ZNF703: variants seen among roughly 807,000 people sequenced by gnomAD.
ZNF703 encodes zinc finger protein 703.
ZNF703 carries 18 observed loss-of-function variants against 30.7 expected under a neutral mutation model. That is an observed-to-expected ratio of 0.59 (90% CI 0.40 to 0.87). The LOEUF is 0.87. ZNF703 is among the 40% of genes least tolerant of loss of function. The probability of loss-of-function intolerance (pLI) is 0.00; values close to 1 mark genes in which losing one functional copy is unlikely to be tolerated. For synonymous variants in ZNF703, 457 were observed against 438.6 expected (o/e 1.04, Z -0.52); for missense variants, 814 against 847.8 (o/e 0.96, Z 0.50).
In ZNF703 at chr8:37,696,095, C is replaced by A; in HGVS notation, c.116C>A (p.Ala39Glu). The stretch of plus-strand genomic sequence containing the variant: ...GCAGCGGTGTCCCTCTTGCCACCGG[C>A]GGACCCCCTGCGCCAGGCGAACCGG... ...VPAAVSLLPP[A>E]DPLRQANRLP... is the part of the protein sequence containing the mutation. Residue 39 changes from alanine (A) to glutamate (E), a missense_variant, in exon 1 of 2, where the codon GCG (alanine) becomes GAG (glutamate). Transcript: ENST00000331569. The surrounding 1 kb of genome is among the most constrained non-coding windows in gnomAD (Gnocchi z 8.2). The A allele has an allele frequency of 6.3e-7, 1 of 1,592,460 alleles. No individual in the cohort carries two copies. Among genetic ancestry groups the A allele is most frequent in the East Asian group, 2.3e-5 (1 of 43,518 alleles).
chr8:37,698,675 C>A lies in ZNF703; in HGVS notation c.*1C>A. 1 of 1,440,512 alleles carries A rather than the reference C, an allele frequency of 6.9e-7. No individual in the cohort carries two copies. The highest frequency in any genetic ancestry group is 1.9e-4 in the Middle Eastern group (1 of 5,384). The allele number at this position is 1,440,512 out of a possible 1,614,324, so 89.2% of individuals were successfully genotyped here. ...AGCCTCGGCGCTGGGATACCAGTAACTACAGCTCTTCCTCCACCCCAGCCC... is the reference window on the plus strand; with the variant it reads ...AGCCTCGGCGCTGGGATACCAGTAAATACAGCTCTTCCTCCACCCCAGCCC... On this transcript the variant is annotated 3_prime_UTR_variant, in exon 2 of 2. Coordinates refer to ENST00000331569, the MANE Select transcript of ZNF703 (RefSeq NM_025069.3).
chr8:37,698,104 G>A lies in ZNF703; in HGVS notation c.1203G>A (p.Ala401=). ...LGGSSCSTCS[A]HDPAGPSLKA... ...GCTCCAGCTGCTCCACCTGCAGCGC[G>A]CACGACCCTGCCGGGCCCAGCCTGA... The change falls in exon 2 of 2, where the codon GCG becomes GCA. Residue 401 remains alanine, a synonymous_variant. Coordinates refer to ENST00000331569, the MANE Select transcript of ZNF703 (RefSeq NM_025069.3). 6.5e-7 allele frequency: 1 copy of A among 1,535,042 alleles called. No individual in the cohort carries two copies. Among genetic ancestry groups the A allele is most frequent in the Non-Finnish European group, 8.7e-7 (1 of 1,146,880 alleles).
rs754246446 is a variant in ZNF703, at chr8:37,697,296, G to A, written c.395G>A (p.Gly132Asp). ...AAGGACCCCGGCCGCTCAGCCCCGG[G>A]CGCCGCCTCCGCAGCCGCGGCCCTG... ...AEKDPGRSAPGAASAAAALKQ... is the reference protein window; with the variant it reads ...AEKDPGRSAPDAASAAAALKQ... Residue 132 changes from glycine to aspartate, a missense_variant, in exon 2 of 2, where the codon GGC becomes GAC. By Grantham distance (94) the Gly-to-Asp change is moderately conservative. Transcript: ENST00000331569. The A allele has an allele frequency of 2.6e-6, 4 of 1,567,714 alleles. No individual in the cohort carries two copies. Among genetic ancestry groups the A allele is most frequent in the East Asian group, 4.8e-5 (2 of 41,850 alleles).
Position 37,698,139 on chromosome 8 carries a change from G to A in ZNF703, c.1238G>A (p.Gly413Asp), listed in dbSNP as rs997985619. 76 of 1,529,292 alleles carry A rather than the reference G, an allele frequency of 5.0e-5. No homozygotes were observed. Among genetic ancestry groups the A allele is most frequent in the Non-Finnish European group, 6.4e-5 (73 of 1,144,050 alleles). 94.7% of individuals were successfully genotyped at this position (1,529,292 alleles called of 1,614,324 possible). A position where few individuals can be genotyped will look rare whatever the true frequency, so the allele number is the denominator to read the frequency against. ...DPAGPSLKAG[G>D]YPLVYPGHPL... ...GCCGGGCCCAGCCTGAAGGCGGGGG[G>A]CTACCCGCTGGTGTACCCCGGGCAC... The change falls in exon 2 of 2, where the codon GGC becomes GAC. Residue 413 changes from glycine to aspartate, a missense_variant. Transcript: ENST00000331569.
At position 37,697,552 on chromosome 8, in the gene ZNF703, GCCCGGCGGCTCC is replaced by G. The variant is rs1170083749; in HGVS notation, c.653_664del (p.Pro218_Ser221del). ...TCTCCGCATCCTCGTCCTCGTCGTCGCCCGGCGGCTCCCGCGGCGGCTCCCCGCACCACTCTG... is the reference window on the plus strand; with the variant it reads ...TCTCCGCATCCTCGTCCTCGTCGTCGCGCGGCGGCTCCCCGCACCACTCTG... On this transcript the variant is annotated inframe_deletion, in exon 2 of 2. Coordinates refer to ENST00000331569, the MANE Select transcript of ZNF703 (RefSeq NM_025069.3). 1.4e-6 allele frequency: 2 copies of G among 1,463,304 alleles called. No homozygotes were observed. The highest frequency in any genetic ancestry group is 1.8e-6 in the Non-Finnish European group (2 of 1,114,128). 90.6% of individuals were successfully genotyped at this position (1,463,304 alleles called of 1,614,324 possible).
Position 37,699,857 on chromosome 8 carries a change from A to T in ZNF703, c.*1183A>T, listed in dbSNP as rs1339760700. 1 of 152,218 alleles carries T rather than the reference A, an allele frequency of 6.6e-6. No homozygotes were observed. Among genetic ancestry groups the T allele is most frequent in the African/African-American group, 2.4e-5 (1 of 41,438 alleles). 9.4% of individuals were successfully genotyped at this position (152,218 alleles called of 1,614,324 possible). ...CCCTCTCCTAGGCCTGGCCCGGCAG[A>T]GCCCCCAGAGTGGACCCCCCAGCGA... On this transcript the variant is annotated 3_prime_UTR_variant, in exon 2 of 2. Transcript: ENST00000331569.
At chr8:37,697,066 GC>G (rs1169260272) in intron 1 of ZNF703, 78 bp from the exon 2 acceptor site, 8 of 1,396,012 alleles carry the variant, frequency 5.7e-6, no homozygotes, top group Non-Finnish European at 7.4e-6. Flanking sequence ...CCGCCGCCCA[GC>G]TCCCCGGGCG....
rs1453870456 is a variant in ZNF703, at chr8:37,696,846, G to A, written c.244-299G>A. 6.6e-6 allele frequency among the ~76,000 whole-genome samples: 1 copy of A among 152,246 alleles called. No individual in the cohort carries two copies. Among genetic ancestry groups the A allele is most frequent in the African/African-American group, 2.4e-5 (1 of 41,476 alleles). On this transcript the variant is annotated intron_variant, in intron 1 of 1. Coordinates refer to ENST00000331569, the MANE Select transcript of ZNF703 (RefSeq NM_025069.3). The surrounding 1 kb of genome is among the most constrained non-coding windows in gnomAD (Gnocchi z 8.2). ...GAATAAGTTTTTTCCTGGGCCTGGA[G>A]GAGGGGGACATTAGAGGGAAGTGGC...
chr8:37,697,277 C>A lies in ZNF703; in HGVS notation c.376C>A (p.Pro126Thr). 3 of 1,572,364 alleles carry A rather than the reference C, an allele frequency of 1.9e-6. No homozygotes were observed. Among genetic ancestry groups the A allele is most frequent in the South Asian group, 1.2e-5 (1 of 86,608 alleles). The change falls in exon 2 of 2, where the codon CCC (proline) becomes ACC (threonine). Residue 126 changes from proline (P) to threonine (T), a missense_variant. Coordinates refer to ENST00000331569, the MANE Select transcript of ZNF703 (RefSeq NM_025069.3). Reference protein sequence around the residue: ...AANGLGAEKDPGRSAPGAASA... With the variant: ...AANGLGAEKDTGRSAPGAASA... Reference sequence around the variant, plus strand: ...CAACGGGCTGGGAGCGGAGAAGGACCCCGGCCGCTCAGCCCCGGGCGCCGC... The same window carrying A: ...CAACGGGCTGGGAGCGGAGAAGGACACCGGCCGCTCAGCCCCGGGCGCCGC...
rs758315707 is a variant in ZNF703, at chr8:37,698,030, C to T, written c.1129C>T (p.Arg377Cys). 4 of 1,572,008 alleles carry T rather than the reference C, an allele frequency of 2.5e-6. No individual in the cohort carries two copies. The highest frequency in any genetic ancestry group is 1.1e-5 in the South Asian group (1 of 87,286). Residue 377 changes from arginine to cysteine, a missense_variant, in exon 2 of 2, where the codon CGC becomes TGC. Physicochemically the swap from Arg to Cys is radical, Grantham distance 180. Coordinates refer to ENST00000331569, the MANE Select transcript of ZNF703 (RefSeq NM_025069.3). ...SPPSFLQGLCRDPYCLGGYHG... is the reference protein window; with the variant it reads ...SPPSFLQGLCCDPYCLGGYHG... ...GCCCTCCTTCCTGCAGGGATTATGC[C>T]GCGACCCCTATTGCTTGGGAGGTTA...
At position 37,698,798 on chromosome 8, in the gene ZNF703, C is replaced by A; in HGVS notation, c.*124C>A. 1 of 780,216 alleles carries A rather than the reference C, an allele frequency of 1.3e-6. No individual in the cohort carries two copies. The highest frequency in any genetic ancestry group is 1.8e-6 in the Non-Finnish European group (1 of 554,416). 48.3% of individuals were successfully genotyped at this position (780,216 alleles called of 1,614,324 possible). Reference sequence around the variant, plus strand: ...ACCCTGCCGGGATTCCCCACCCAGCCCTTCCCCACCGGACTGTGTATTTAT... The same window carrying A: ...ACCCTGCCGGGATTCCCCACCCAGCACTTCCCCACCGGACTGTGTATTTAT... On this transcript the variant is annotated 3_prime_UTR_variant, in exon 2 of 2. Coordinates refer to ENST00000331569, the MANE Select transcript of ZNF703 (RefSeq NM_025069.3).
Position 37,697,366 on chromosome 8 carries a change from G to T in ZNF703, c.465G>T (p.Lys155Asn). 1.9e-6 allele frequency: 3 copies of T among 1,559,626 alleles called. No individual in the cohort carries two copies. The highest frequency in any genetic ancestry group is 1.9e-5 in the Admixed American group (1 of 52,154). ...CGGCCGAGGACAAGTCCAGCTTCAA[G>T]CCCTACTCCAAGGGCTCCGGCGGCG... ...DSPAEDKSSF[K>N]PYSKGSGGGD... The change falls in exon 2 of 2, where the codon AAG becomes AAT. Residue 155 changes from lysine to asparagine, a missense_variant. Lys to Asn is a moderately conservative substitution (Grantham distance 94). Coordinates refer to ENST00000331569, the MANE Select transcript of ZNF703 (RefSeq NM_025069.3).
At position 37,698,443 on chromosome 8, in the gene ZNF703, C is replaced by T. The variant is rs747257495; in HGVS notation, c.1542C>T (p.Ala514=). The T allele has an allele frequency of 2.0e-6, 3 of 1,485,662 alleles. No individual in the cohort carries two copies. The highest frequency in any genetic ancestry group is 1.8e-6 in the Non-Finnish European group (2 of 1,120,500). The allele number at this position is 1,485,662 out of a possible 1,614,324, so 92.0% of individuals were successfully genotyped here. A position where few individuals can be genotyped will look rare whatever the true frequency, so the allele number is the denominator to read the frequency against. ...GSAAAAAAAA[A]SCHLHLPPPA... The stretch of plus-strand genomic sequence containing the variant: ...CCGCCGCCGCCGCCGCCGCCGCCGC[C>T]TCCTGCCATCTGCACCTCCCCCCGC... Residue 514 remains alanine (A), a synonymous_variant, in exon 2 of 2, where the codon GCC becomes GCT. Coordinates refer to ENST00000331569, the MANE Select transcript of ZNF703 (RefSeq NM_025069.3).
rs1802117776 is a variant in ZNF703, at chr8:37,698,622, A to G, written c.1721A>G (p.Tyr574Cys). 5.2e-6 allele frequency: 8 copies of G among 1,544,322 alleles called. No individual in the cohort carries two copies. Among genetic ancestry groups the G allele is most frequent in the Non-Finnish European group, 7.0e-6 (8 of 1,148,754 alleles). ...ACAGCCGGACCCTACTATTCGCCATACGCGCTGTATGGACAGAGACTAGCT... is the reference window on the plus strand; with the variant it reads ...ACAGCCGGACCCTACTATTCGCCATGCGCGCTGTATGGACAGAGACTAGCT... ...LPTAGPYYSP[Y>C]ALYGQRLASA... Residue 574 changes from tyrosine (Y) to cysteine (C), a missense_variant, in exon 2 of 2, where the codon TAC (tyrosine) becomes TGC (cysteine). Physicochemically the swap from Tyr to Cys is radical, Grantham distance 194. Coordinates refer to ENST00000331569, the MANE Select transcript of ZNF703 (RefSeq NM_025069.3).
Position 37,697,457 on chromosome 8 carries a change from C to G in ZNF703, c.556C>G (p.Pro186Ala), listed in dbSNP as rs1430547629. 1.3e-6 allele frequency: 2 copies of G among 1,540,992 alleles called. No homozygotes were observed. The highest frequency in any genetic ancestry group is 1.7e-6 in the Non-Finnish European group (2 of 1,145,644). Reference sequence around the variant, plus strand: ...CACCTCCTCCTCGTCCTCCTCGTCCCCGGGAGACAAGGCGGGCTTCAGGGT... The same window carrying G: ...CACCTCCTCCTCGTCCTCCTCGTCCGCGGGAGACAAGGCGGGCTTCAGGGT... ...SSTSSSSSSSPGDKAGFRVPS... is the reference protein window; with the variant it reads ...SSTSSSSSSSAGDKAGFRVPS... The change falls in exon 2 of 2, where the codon CCG becomes GCG. Residue 186 changes from proline to alanine, a missense_variant. Physicochemically the swap from Pro to Ala is conservative, Grantham distance 27. Coordinates refer to ENST00000331569, the MANE Select transcript of ZNF703 (RefSeq NM_025069.3).
At position 37,697,221 on chromosome 8, in the gene ZNF703, C is replaced by T. The variant is rs748153205; in HGVS notation, c.320C>T (p.Ser107Phe). Residue 107 changes from serine to phenylalanine, a missense_variant, in exon 2 of 2, where the codon TCC becomes TTC. Transcript: ENST00000331569. Reference protein sequence around the residue: ...SQIGKPDPPPSSKLNSVAAAA... With the variant: ...SQIGKPDPPPFSKLNSVAAAA... Reference sequence around the variant, plus strand: ...ATCGGCAAGCCGGACCCGCCGCCCTCCTCCAAACTCAACTCGGTGGCGGCG... The same window carrying T: ...ATCGGCAAGCCGGACCCGCCGCCCTTCTCCAAACTCAACTCGGTGGCGGCG... The T allele has an allele frequency of 3.8e-6, 6 of 1,598,784 alleles. No individual in the cohort carries two copies. The highest frequency in any genetic ancestry group is 4.3e-6 in the Non-Finnish European group (5 of 1,174,672).
At position 37,698,437 on chromosome 8, in the gene ZNF703, C is replaced by A; in HGVS notation, c.1536C>A (p.Ala512=). 6.8e-7 allele frequency: 1 copy of A among 1,480,076 alleles called. No individual in the cohort carries two copies. Among genetic ancestry groups the A allele is most frequent in the South Asian group, 1.3e-5 (1 of 75,478 alleles). 91.7% of individuals were successfully genotyped at this position (1,480,076 alleles called of 1,614,324 possible). A position where few individuals can be genotyped will look rare whatever the true frequency, so the allele number is the denominator to read the frequency against. Residue 512 remains alanine, a synonymous_variant, in exon 2 of 2, where the codon GCC becomes GCA. Coordinates refer to ENST00000331569, the MANE Select transcript of ZNF703 (RefSeq NM_025069.3). ...GLGSAAAAAA[A]AASCHLHLPP... ...GCAGCGCCGCCGCCGCCGCCGCCGC[C>A]GCCGCCTCCTGCCATCTGCACCTCC...
rs775611701 is a variant in ZNF703, at chr8:37,698,180, G to A, written c.1279G>A (p.Ala427Thr). The change falls in exon 2 of 2, where the codon GCG becomes ACG. Residue 427 changes from alanine (A) to threonine (T), a missense_variant. Physicochemically the swap from Ala to Thr is moderately conservative, Grantham distance 58. Coordinates refer to ENST00000331569, the MANE Select transcript of ZNF703 (RefSeq NM_025069.3). ...VYPGHPLQPA[A>T]LSSSAAQAAL... ...CCCCGGGCACCCGCTGCAGCCCGCC[G>A]CGCTCTCGTCCAGCGCCGCCCAGGC... 5.2e-6 allele frequency: 8 copies of A among 1,527,752 alleles called. No individual in the cohort carries two copies. Among genetic ancestry groups the A allele is most frequent in the Non-Finnish European group, 6.1e-6 (7 of 1,143,688 alleles). The allele number at this position is 1,527,752 out of a possible 1,614,324, so 94.6% of individuals were successfully genotyped here.
chr8:37,696,353 G>A lies in ZNF703; in HGVS notation c.243+131G>A, dbSNP rs984786642. 4 of 1,399,952 alleles carry A rather than the reference G, an allele frequency of 2.9e-6. No homozygotes were observed. The highest frequency in any genetic ancestry group is 2.9e-5 in the Admixed American group (1 of 34,126). 86.7% of individuals were successfully genotyped at this position (1,399,952 alleles called of 1,614,324 possible). A position where few individuals can be genotyped will look rare whatever the true frequency, so the allele number is the denominator to read the frequency against. ...CTGGTCACGCTGGCGGGCTGAGTGA[G>A]GAGGGGAAGAAAACCGAGGGATCAG... On this transcript the variant is annotated intron_variant, in intron 1 of 1. Coordinates refer to ENST00000331569, the MANE Select transcript of ZNF703 (RefSeq NM_025069.3). This position sits in a 1 kb window ranked among gnomAD's most constrained non-coding sequence, Gnocchi z 8.2.
Sources: gnomAD v4.1 joint callset for allele counts (sites outside exome capture counted in the v4.1 genomes callset) on GRCh38, gnomAD v4.1.1 for gene constraint, Gnocchi (gnomAD v3.1) non-coding constraint, MANE v1.5 for transcripts, NCBI Gene and HGNC (gene_info 2026-07-23, HGNC 2026-07-21) for gene names.